KLHL20: variants seen among roughly 807,000 people sequenced by gnomAD.
KLHL20 encodes the protein kelch-like protein 20.
A neutral mutation model predicts 69.5 loss-of-function variants in KLHL20; 29 were observed. The observed-to-expected ratio is 0.42, with a 90% CI of 0.31 to 0.57. The LOEUF is 0.57. KLHL20 is among the 20% of genes least tolerant of loss of function. The probability of loss-of-function intolerance (pLI) is 0.18; values close to 1 mark genes in which losing one functional copy is unlikely to be tolerated. For missense variants in KLHL20, 419 were observed against 776.0 expected, an observed-to-expected ratio of 0.54 and a Z score of 5.47; for synonymous variants, 253 against 265.2, an observed-to-expected ratio of 0.95 and a Z score of 0.45.
At chr1:173,742,629 A>G (rs1025712336) in intron 3 of KLHL20, among the ~76,000 whole-genome samples, 1 of 151,422 alleles carries the variant, frequency 6.6e-6, no homozygotes, top group Non-Finnish European at 1.5e-5. Flanking sequence ...AGATATATAC[A>G]CATACGTGTA....
At chr1:173,729,074 A>G (rs1382837789) in intron 2 of KLHL20, among the ~76,000 whole-genome samples, 1 of 152,200 alleles carries the variant, frequency 6.6e-6, no homozygotes, top group African/African-American at 2.4e-5. Context: ...AATACAAACT[A>G]CCATCAGAGA....
chr1:173,756,505 T>C (rs532797114), intron 6 of KLHL20, among the ~76,000 whole-genome samples: 42 of 152,298 alleles, frequency 2.8e-4, no homozygotes, highest in Non-Finnish European at 4.9e-4. Flanking sequence ...TACTCCAGCC[T>C]GGGGAACAGA....
chr1:173,775,502 C>G, intron 9 of KLHL20, 132 bp from the exon 10 acceptor site: 1 of 733,318 alleles, frequency 1.4e-6, no homozygotes. Flanking sequence ...GTATACAAAT[C>G]CTTCTCAGAA....
At chr1:173,722,595 T>C (rs1259840954) in intron 2 of KLHL20, among the ~76,000 whole-genome samples, 1 of 151,808 alleles carries the variant, frequency 6.6e-6, no homozygotes. Flanking sequence ...TCATCCTCAG[T>C]GACAGAGCAA....
intron 3 of KLHL20, among the ~76,000 whole-genome samples, chr1:173,744,952 C>T (rs1672986321): frequency 6.6e-6 from 1 of 151,878 alleles, no homozygotes; most frequent in African/African-American, 2.4e-5. Context: ...TTTATTTTTC[C>T]AGATGAACTT....
chr1:173,768,033 T>C (rs1647843666), intron 8 of KLHL20, among the ~76,000 whole-genome samples: 2 of 152,330 alleles, frequency 1.3e-5, no homozygotes, highest in South Asian at 2.1e-4. Flanking sequence ...AGCATACCAC[T>C]TGTGAAATCT....
chr1:173,716,478 G>A (rs1487921203), intron 2 of KLHL20, among the ~76,000 whole-genome samples: 2 of 152,068 alleles, frequency 1.3e-5, no homozygotes, highest in Non-Finnish European at 2.9e-5. Flanking sequence ...TTTCCTTGAT[G>A]TTCAATCATA....
chr1:173,756,212 C>T (rs888314641), intron 6 of KLHL20, among the ~76,000 whole-genome samples, 174 bp downstream of exon 6: 3 of 149,622 alleles, frequency 2.0e-5, no homozygotes, highest in African/African-American at 7.7e-5. Context: ...CAAAAGAGTG[C>T]TCTATTCTTT....
intron 7 of KLHL20, 36 bp from the exon 8 acceptor site, chr1:173,766,110 G>A (rs1647688075): frequency 1.3e-5 from 19 of 1,510,532 alleles, no homozygotes; most frequent in Non-Finnish European, 1.6e-5. Context: ...CTTCCTTTGT[G>A]TAATACAAAC....
At chr1:173,715,654 G>C (rs568422122) in intron 1 of KLHL20, 1 of 191,956 alleles carries the variant, frequency 5.2e-6, no homozygotes, top group South Asian at 1.4e-4. Context: ...TGATCTATCA[G>C]GTTAGTACTG....
chr1:173,732,265 C>G (rs370055244), intron 2 of KLHL20, among the ~76,000 whole-genome samples: 239 of 151,724 alleles, frequency 1.6e-3, no homozygotes, highest in Middle Eastern at 0.01. Context: ...CTGCTTGAGC[C>G]TAGGAGTTCA....
At chr1:173,716,135 A>T in intron 2 of KLHL20, 69 bp downstream of exon 2, 6 of 1,470,072 alleles carry the variant, frequency 4.1e-6, no homozygotes, top group South Asian at 1.2e-5. Flanking sequence ...TTAAATTTTT[A>T]AAAAAGAGTT....
intron 8 of KLHL20, among the ~76,000 whole-genome samples, chr1:173,767,024 A>C (rs1647778383): frequency 6.6e-6 from 1 of 152,136 alleles, no homozygotes; most frequent in South Asian, 2.1e-4. Context: ...TCTAACTGAA[A>C]TTTTGTACTC....
rs560360816 is a variant in KLHL20 at position 173,775,513 on chromosome 1, G to A, written c.1430-121G>A. Reference sequence around the variant, plus strand: ...AGAGGTATACAAATCCTTCTCAGAAGCAAAAATCAGATCATGTGTTGAAAA... The same window carrying A: ...AGAGGTATACAAATCCTTCTCAGAAACAAAAATCAGATCATGTGTTGAAAA... On this transcript the variant is annotated intron_variant, in intron 9 of 11. Transcript: ENST00000209884. The A allele has an allele frequency of 6.3e-5, 51 of 805,726 alleles. No homozygotes were observed. The African/African-American group carries it at 6.7e-4, about 11-fold the overall frequency. The allele number at this position is 805,726 out of a possible 1,614,324, so 49.9% of individuals were successfully genotyped here.
intron 10 of KLHL20, 112 bp from the exon 11 acceptor site, chr1:173,782,012 T>C (rs1648911079): frequency 4.3e-6 from 3 of 700,632 alleles, no homozygotes; most frequent in Non-Finnish European, 7.4e-6. Flanking sequence ...TAAACCAGAA[T>C]GTAAGGCCAT....
rs558473888 is a variant in KLHL20, at chr1:173,773,439, A to T, written c.1296-866A>T. Among the ~76,000 whole-genome samples, 144 of 149,206 alleles carry T rather than the reference A, an allele frequency of 9.7e-4. 1 individual carries two copies. Among genetic ancestry groups the T allele is most frequent in the African/African-American group, 3.4e-3 (140 of 41,266 alleles). On this transcript the variant is annotated intron_variant, in intron 8 of 11. Transcript: ENST00000209884. ...TTTTAAATAAATAAATATTAATTAAATAAATAAATATTAATTAAAATTTTT... is the reference window on the plus strand; with the variant it reads ...TTTTAAATAAATAAATATTAATTAATTAAATAAATATTAATTAAAATTTTT...
chr1:173,771,707 ATAATGAGC>A (rs1310924340), intron 8 of KLHL20, among the ~76,000 whole-genome samples: 1 of 152,208 alleles, frequency 6.6e-6, no homozygotes, highest in Non-Finnish European at 1.5e-5. Context: ...GTTCAAGATT[ATAATGAGC>A]TATGATTGCA....
intron 8 of KLHL20, among the ~76,000 whole-genome samples, chr1:173,771,489 C>T (rs1462284767): frequency 6.6e-6 from 1 of 152,056 alleles, no homozygotes; most frequent in Non-Finnish European, 1.5e-5. Context: ...GGTGTGGTAG[C>T]TCTGACCTAT....
intron 8 of KLHL20, among the ~76,000 whole-genome samples, chr1:173,768,068 C>T (rs1027255307): frequency 5.9e-5 from 9 of 152,036 alleles, no homozygotes; most frequent in Non-Finnish European, 2.9e-5. Context: ...CCTGAATCTA[C>T]CTGGAGTGTA....
Sources: allele counts gnomAD v4.1 joint callset (sites outside exome capture counted in the v4.1 genomes callset), GRCh38; gene constraint gnomAD v4.1.1; transcripts MANE v1.5; gene names NCBI Gene and HGNC (gene_info 2026-07-23, HGNC 2026-07-21).